Variants in ALDH3B2 observed in about 807,000 individuals in gnomAD.
ALDH3B2 encodes aldehyde dehydrogenase 3 family member B2.
ALDH3B2 carries 45 observed loss-of-function variants against 36.7 expected under a neutral mutation model. The ratio of observed to expected loss-of-function variants is 1.23; its 90% CI spans 0.97 to 1.57. The LOEUF is 1.57. Ranked by LOEUF, ALDH3B2 falls within the 40% of genes most tolerant of loss-of-function variation. The probability of loss-of-function intolerance (pLI) is 0.00; values close to 1 mark genes in which losing one functional copy is unlikely to be tolerated. For synonymous variants in ALDH3B2, 217 were observed against 226.5 expected, an observed-to-expected ratio of 0.96 and a Z score of 0.38; for missense variants, 464 against 513.3, an observed-to-expected ratio of 0.90 and a Z score of 0.93.
rs1855941262 is a variant in ALDH3B2 at position 67,667,020 on chromosome 11, T to C, written c.-81-4A>G. ...ATATGTCTGCCTCGAAAGCTGGCTG[T>C]GGTGGAGGTGGAATTCAGAGTGGTC... is the stretch of plus-strand genomic sequence containing the variant. On this transcript the variant is annotated splice_region_variant and splice_polypyrimidine_tract_variant and intron_variant, in intron 2 of 9. Coordinates refer to ENST00000349015, the Ensembl canonical transcript of ALDH3B2. The C allele has an allele frequency of 6.4e-7, 1 of 1,560,496 alleles. No individual in the cohort carries two copies. Among genetic ancestry groups the C allele is most frequent in the Non-Finnish European group, 8.8e-7 (1 of 1,133,126 alleles).
intron 1 of ALDH3B2, among the ~76,000 whole-genome samples, chr11:67,680,147 C>T (rs1283287778): frequency 6.6e-6 from 1 of 152,044 alleles, no homozygotes; most frequent in Non-Finnish European, 1.5e-5. Flanking sequence ...AACCCCATCT[C>T]TACTAAAGAT....
intron 6 of ALDH3B2, 133 bp from the exon 7 acceptor site, chr11:67,665,804 A>G: frequency 7.4e-7 from 1 of 1,346,162 alleles, no homozygotes; most frequent in Non-Finnish European, 1.0e-6. Flanking sequence ...AGGAGACCCC[A>G]TCCTCAACTG....
chr11:67,666,331 G>A, exon 5 of ALDH3B2: 1 of 1,607,080 alleles, frequency 6.2e-7, no homozygotes, highest in Non-Finnish European at 8.5e-7. Context: ...CCAGGTACTG[G>A]GGCAGCACCT....
intron 2 of ALDH3B2, 70 bp from the exon 3 acceptor site, chr11:67,667,086 G>T: frequency 1.2e-6 from 1 of 849,660 alleles, no homozygotes; most frequent in Non-Finnish European, 1.9e-6. Flanking sequence ...AATTTGAGGA[G>T]GGCACACGCA....
Position 67,666,699 on chromosome 11 carries a change from G to A in ALDH3B2, c.31-5C>T. On this transcript the variant is annotated splice_polypyrimidine_tract_variant and splice_region_variant and intron_variant, in intron 3 of 9. Transcript: ENST00000349015. ...GACCGAGTCCAGCTTCATGAACTGA[G>A]GCACAGGGTAGACAGTGAGGCCCTG... 1 of 1,614,128 alleles carries A rather than the reference G, an allele frequency of 6.2e-7. No homozygotes were observed. Among genetic ancestry groups the A allele is most frequent in the Non-Finnish European group, 8.5e-7 (1 of 1,179,984 alleles).
rs1855955075 is a variant in ALDH3B2 at position 67,667,539 on chromosome 11, G to T, written c.-148C>A. On this transcript the variant is annotated 5_prime_UTR_variant, in exon 2 of 10. Transcript: ENST00000349015. ...TGTTTTCTTGAAGGAAGTGGCCCAG[G>T]CCCTGGAGCTGCGCAGCCCGGAACT... 6 of 384,296 alleles carry T rather than the reference G, an allele frequency of 1.6e-5. No individual in the cohort carries two copies. In the South Asian group the frequency reaches 2.2e-4, roughly 14 times the overall value. 23.8% of individuals were successfully genotyped at this position (384,296 alleles called of 1,614,324 possible). A position where few individuals can be genotyped will look rare whatever the true frequency, so the allele number is the denominator to read the frequency against.
chr11:67,674,852 G>A (rs762627953), upstream of ALDH3B2: 11 of 152,276 alleles, frequency 7.2e-5, no homozygotes, highest in Admixed American at 6.5e-5. Flanking sequence ...GGCTAGCAGG[G>A]AGTTACCTGA....
At chr11:67,679,880 C>G (rs549136406) in intron 1 of ALDH3B2, among the ~76,000 whole-genome samples, 25 of 152,268 alleles carry the variant, frequency 1.6e-4, no homozygotes, top group African/African-American at 5.1e-4. Flanking sequence ...TATAATTTCT[C>G]TCTGGTACAA....
upstream of ALDH3B2, among the ~76,000 whole-genome samples, chr11:67,676,329 G>GA (rs1182393743): frequency 2.6e-5 from 4 of 152,054 alleles, no homozygotes; most frequent in Non-Finnish European, 5.9e-5. Flanking sequence ...CAAATAACTG[G>GA]AAATTAAATA....
chr11:67,678,650 TACACTATG>T (rs1856312632), upstream of ALDH3B2, among the ~76,000 whole-genome samples: 1 of 150,484 alleles, frequency 6.6e-6, no homozygotes, highest in African/African-American at 2.4e-5. Flanking sequence ...TATATATATA[TACACTATG>T]ATATATATAT....
At chr11:67,666,048 C>A in intron 6 of ALDH3B2, 74 bp downstream of exon 6, 1 of 1,558,166 alleles carries the variant, frequency 6.4e-7, no homozygotes, top group East Asian at 2.2e-5. Flanking sequence ...CAGCCTCCTC[C>A]CTCCACAACC....
Position 67,672,085 on chromosome 11 carries a change from A to ATATATG in ALDH3B2, c.-245+2351_-245+2352insCATATA, listed in dbSNP as rs1398899805. Among the ~76,000 whole-genome samples, 406 of 52,670 alleles carry ATATATG rather than the reference A, an allele frequency of 7.7e-3. 2 individuals carry two copies. The highest frequency in any genetic ancestry group is 0.01 in the Non-Finnish European group (280 of 27,350). The allele number at this position is 52,670 out of a possible 152,430, so 34.6% of individuals were successfully genotyped here. Reference sequence around the variant, plus strand: ...TATATATATATATATATATATATATATATGTATGTATGTATTTTGTGTGTG... The same window carrying ATATATG: ...TATATATATATATATATATATATATATATATGTATGTATGTATGTATTTTGTGTGTG... On this transcript the variant is annotated intron_variant, in intron 1 of 9. Transcript: ENST00000349015.
At chr11:67,669,116 T>C (rs1357527168) in intron 1 of ALDH3B2, among the ~76,000 whole-genome samples, 2 of 151,794 alleles carry the variant, frequency 1.3e-5, no homozygotes, top group African/African-American at 4.8e-5. Context: ...TGTGTGTCTT[T>C]GTGTGGGTGT....
chr11:67,672,507 T>C (rs1244691694), intron 1 of ALDH3B2, among the ~76,000 whole-genome samples: 2 of 152,016 alleles, frequency 1.3e-5, no homozygotes, highest in Non-Finnish European at 2.9e-5. Context: ...TAAACCAAGC[T>C]GTGTCCCGAC....
intron 1 of ALDH3B2, among the ~76,000 whole-genome samples, chr11:67,670,285 T>C (rs1156931152): frequency 6.6e-6 from 1 of 150,582 alleles, no homozygotes; most frequent in African/African-American, 2.4e-5. Flanking sequence ...TGTCTGTGTG[T>C]GTATGGGTGT....
intron 7 of ALDH3B2, 71 bp downstream of exon 7, chr11:67,665,214 G>T: frequency 6.5e-7 from 1 of 1,527,048 alleles, no homozygotes; most frequent in African/African-American, 1.4e-5. Context: ...CAGACTCGTG[G>T]CCCAGCCGTG....
intron 1 of ALDH3B2, among the ~76,000 whole-genome samples, chr11:67,668,380 G>T (rs1310908776): frequency 6.6e-6 from 1 of 152,176 alleles, no homozygotes; most frequent in Non-Finnish European, 1.5e-5. Flanking sequence ...GGGAACCCCA[G>T]TGGGGTCTGG....
rs1855932065 is a variant in ALDH3B2, at chr11:67,666,759, T to C, written c.31-65A>G. The C allele has an allele frequency of 1.9e-6, 3 of 1,609,794 alleles. No homozygotes were observed. The Admixed American group carries it at 5.0e-5, about 27-fold the overall frequency. The stretch of plus-strand genomic sequence containing the variant: ...ACCCCAAAGCCCACCCACTGCACAC[T>C]TGGGGCCTCAGCTCCCTGTGCGATG... On this transcript the variant is annotated intron_variant, in intron 3 of 9. Transcript: ENST00000349015.
chr11:67,673,541 G>C (rs369105525), intron 1 of ALDH3B2, among the ~76,000 whole-genome samples: 4 of 152,340 alleles, frequency 2.6e-5, no homozygotes, highest in South Asian at 2.1e-4. Context: ...CAAAAGCCCT[G>C]TGGGGGCAGA....
Sources: gnomAD v4.1 joint callset for allele counts (sites outside exome capture counted in the v4.1 genomes callset) on GRCh38, gnomAD v4.1.1 for gene constraint, MANE v1.5 for transcripts, NCBI Gene and HGNC (gene_info 2026-07-23, HGNC 2026-07-21) for gene names.